The following SENP7 variants were observed in gnomAD, a reference collection of about 807,000 sequenced individuals.
SENP7 encodes the protein SUMO specific peptidase 7.
Under a neutral mutation model 141.2 loss-of-function variants are expected in SENP7, and 64 were observed. That is an observed-to-expected ratio of 0.45 (90% CI 0.37 to 0.56). The LOEUF (loss-of-function observed/expected upper bound fraction) is 0.56, where lower values mean the gene tolerates loss of function less well. SENP7 is among the 20% of genes least tolerant of loss of function. The pLI is 0.00. For synonymous variants in SENP7, 382 were observed against 426.4 expected (o/e 0.90, Z 1.28); for missense variants, 1,025 against 1,212.2 (o/e 0.85, Z 2.29).
At chr3:101,330,617 A>T (rs569270389) in intron 19 of SENP7, among the ~76,000 whole-genome samples, 2 of 152,216 alleles carry the variant, frequency 1.3e-5, no homozygotes, top group Non-Finnish European at 2.9e-5. Context: ...ATGATTGGAA[A>T]TACCAGTTAG....
chr3:101,366,432 G>T lies in SENP7; in HGVS notation c.1316C>A (p.Pro439Gln). Residue 439 changes from proline to glutamine, a missense_variant and splice_region_variant, in exon 9 of 24, where the codon CCA becomes CAA. Transcript: ENST00000394095. ...EGNQSLISAE[P>Q]IVVSSDEEGP... ...TTTATAATCCTCCTGTCACTTACTT[G>T]GTTCAGCTGAGATCAGTGATTGGTT... The T allele has an allele frequency of 1.3e-6, 2 of 1,558,426 alleles. No homozygotes were observed. The highest frequency in any genetic ancestry group is 1.7e-6 in the Non-Finnish European group (2 of 1,148,230).
intron 5 of SENP7, among the ~76,000 whole-genome samples, chr3:101,405,475 A>C (rs1351886720): frequency 6.6e-6 from 1 of 152,220 alleles, no homozygotes; most frequent in Admixed American, 6.5e-5. Context: ...GCCTACTCAA[A>C]TGACAAGGAA....
At chr3:101,419,395 G>T (rs2061719650) in intron 4 of SENP7, among the ~76,000 whole-genome samples, 1 of 152,176 alleles carries the variant, frequency 6.6e-6, no homozygotes, top group African/African-American at 2.4e-5. Flanking sequence ...ACTTTTAAAA[G>T]ATCATTTTGA....
intron 11 of SENP7, among the ~76,000 whole-genome samples, chr3:101,352,387 G>C (rs2059634329): frequency 6.6e-6 from 1 of 152,080 alleles, no homozygotes; most frequent in East Asian, 1.9e-4. Flanking sequence ...ATGACTTTTA[G>C]GTGGGCACCA....
At chr3:101,495,739 G>A (rs956065221) in intron 2 of SENP7, among the ~76,000 whole-genome samples, 3 of 152,100 alleles carry the variant, frequency 2.0e-5, no homozygotes, top group Non-Finnish European at 4.4e-5. Context: ...CACACACTGG[G>A]GCCTGTCAGA....
At chr3:101,511,879 G>C (rs894097472) in intron 1 of SENP7, among the ~76,000 whole-genome samples, 2 of 152,162 alleles carry the variant, frequency 1.3e-5, no homozygotes, top group Non-Finnish European at 2.9e-5. Flanking sequence ...GAGTGCAGTG[G>C]TGCGATCTCG....
chr3:101,506,009 T>C (rs2065589139), intron 1 of SENP7, among the ~76,000 whole-genome samples: 1 of 150,310 alleles, frequency 6.7e-6, no homozygotes, highest in Admixed American at 6.8e-5. Context: ...CATTCACTTA[T>C]TTATTCCATA....
At position 101,493,759 on chromosome 3, in the gene SENP7, C is replaced by T. The variant is rs1282329752; in HGVS notation, c.186+114G>A. The T allele has an allele frequency of 8.6e-6, 5 of 581,896 alleles. No individual in the cohort carries two copies. The East Asian group carries it at 1.4e-4, about 17-fold the overall frequency. The allele number at this position is 581,896 out of a possible 1,614,324, so 36.0% of individuals were successfully genotyped here. ...TGAACTAAAATCTGCAATTAAATAA[C>T]ACAAGAAAACCAAAAAAGGGACATA... On this transcript the variant is annotated intron_variant, in intron 3 of 23. Transcript: ENST00000394095.
intron 3 of SENP7, among the ~76,000 whole-genome samples, chr3:101,491,454 C>T (rs1294428476): frequency 6.8e-6 from 1 of 147,380 alleles, no homozygotes; most frequent in African/African-American, 2.5e-5. Flanking sequence ...AACAAGATCT[C>T]GCTATATTTC....
intron 3 of SENP7, among the ~76,000 whole-genome samples, chr3:101,471,034 C>T (rs2063970983): frequency 6.6e-6 from 1 of 152,216 alleles, no homozygotes; most frequent in Non-Finnish European, 1.5e-5. Flanking sequence ...ATTCCATGCT[C>T]ATGGATAGGG....
intron 5 of SENP7, among the ~76,000 whole-genome samples, chr3:101,410,362 A>C (rs2061419784): frequency 6.6e-6 from 1 of 152,184 alleles, no homozygotes; most frequent in East Asian, 1.9e-4. Context: ...TGTGGAAAAC[A>C]GTGCGGAGAT....
chr3:101,349,423 CA>C (rs2059556440), intron 12 of SENP7, among the ~76,000 whole-genome samples: 1 of 152,162 alleles, frequency 6.6e-6, no homozygotes, highest in African/African-American at 2.4e-5. Context: ...TTTAGGAAGA[CA>C]ACTTTAAAAG....
intron 6 of SENP7, among the ~76,000 whole-genome samples, chr3:101,391,069 A>G (rs2107543220): frequency 6.6e-6 from 1 of 152,266 alleles, no homozygotes; most frequent in Admixed American, 6.5e-5. Flanking sequence ...ACAGCATACC[A>G]TAACATATGG....
At position 101,343,690 on chromosome 3, in the gene SENP7, G is replaced by A. The variant is rs1382551647; in HGVS notation, c.2102C>T (p.Ser701Phe). 3 of 1,610,336 alleles carry A rather than the reference G, an allele frequency of 1.9e-6. No homozygotes were observed. Among genetic ancestry groups the A allele is most frequent in the Non-Finnish European group, 8.5e-7 (1 of 1,178,536 alleles). Residue 701 changes from serine to phenylalanine, a missense_variant, in exon 14 of 24, where the codon TCT becomes TTT. Ser to Phe is a radical substitution (Grantham distance 155). Transcript: ENST00000394095. ...TTATATTAATGATATGCTAACCTGA[G>A]ATACTGATTTCAGCTTCATTTCTTC... Reference protein sequence around the residue: ...VAEEMKLKSVSQPSNTDAAKP... With the variant: ...VAEEMKLKSVFQPSNTDAAKP...
chr3:101,343,618 T>C (rs1440957763), intron 14 of SENP7, 68 bp downstream of exon 14: 2 of 1,480,902 alleles, frequency 1.4e-6, no homozygotes, highest in Middle Eastern at 1.8e-4. Context: ...GAAAGCAGCC[T>C]AATATCAATG....
intron 3 of SENP7, among the ~76,000 whole-genome samples, chr3:101,477,242 A>AT (rs2064255453): frequency 6.6e-6 from 1 of 152,110 alleles, no homozygotes; most frequent in South Asian, 2.1e-4. Context: ...TAATATGAGT[A>AT]CCTTTGCAGA....
At chr3:101,451,162 T>C (rs190137460) in intron 4 of SENP7, among the ~76,000 whole-genome samples, 5 of 152,100 alleles carry the variant, frequency 3.3e-5, no homozygotes, top group East Asian at 1.9e-4. Context: ...CAAGACTAAA[T>C]CAGGAAGAAG....
chr3:101,327,923 G>T, intron 22 of SENP7, 107 bp from the exon 23 acceptor site: 1 of 883,266 alleles, frequency 1.1e-6, no homozygotes, highest in Non-Finnish European at 1.7e-6. Flanking sequence ...GCTGTCTCAA[G>T]CCAAATTTCC....
intron 5 of SENP7, among the ~76,000 whole-genome samples, chr3:101,413,784 C>G (rs1406414350): frequency 6.6e-6 from 1 of 150,582 alleles, no homozygotes; most frequent in Non-Finnish European, 1.5e-5. Flanking sequence ...ATGTATACAA[C>G]AGTATATACA....
Sources: gnomAD v4.1 joint callset for allele counts (sites outside exome capture counted in the v4.1 genomes callset) on GRCh38, gnomAD v4.1.1 for gene constraint, MANE v1.5 for transcripts, NCBI Gene and HGNC (gene_info 2026-07-23, HGNC 2026-07-21) for gene names.